Variants in NEMP2 observed in about 807,000 individuals in gnomAD.
NEMP2 encodes the protein UPF0571 transmembrane protein.
In NEMP2, 53 loss-of-function variants were observed where a neutral mutation model predicts 54.2. That is an observed-to-expected ratio of 0.98 (90% CI 0.78 to 1.23). NEMP2 has a LOEUF of 1.23. Among genes scored for constraint, NEMP2 ranks in the 50% most tolerant of loss-of-function variants. NEMP2 has a pLI of 0.00. For missense variants in NEMP2, 455 were observed against 511.3 expected, an observed-to-expected ratio of 0.89 and a Z score of 1.06; for synonymous variants, 197 against 190.3, an observed-to-expected ratio of 1.04 and a Z score of -0.29.
the NEMP2 span, chr2:190,435,939 T>A: frequency 6.8e-7 from 1 of 1,469,142 alleles, no homozygotes; most frequent in South Asian, 1.4e-5. Flanking sequence ...ATGTTATGAT[T>A]TTCATTACTA....
chr2:190,571,900 C>T, the NEMP2 span, among the ~76,000 whole-genome samples: 1 of 152,136 alleles, frequency 6.6e-6, no homozygotes, highest in Non-Finnish European at 1.5e-5. Context: ...CCCAGGGCTG[C>T]ATAGATTCTT....
the NEMP2 span, among the ~76,000 whole-genome samples, chr2:190,644,888 CTAAAA>C: frequency 4.2e-3 from 631 of 151,988 alleles, 12 homozygotes; most frequent in East Asian, 0.045. This position sits in a 1 kb window ranked among gnomAD's most constrained non-coding sequence, Gnocchi z 4.4. Context: ...GCCCCAGAAC[CTAAAA>C]TAAAAGTTAA....
At chr2:190,431,242 C>T in the NEMP2 span, among the ~76,000 whole-genome samples, 1 of 151,382 alleles carries the variant, frequency 6.6e-6, no homozygotes, top group Admixed American at 6.6e-5. This position sits in a 1 kb window ranked among gnomAD's most constrained non-coding sequence, Gnocchi z 4.4. Flanking sequence ...GGCAGAGGGG[C>T]TCCTCACCTC....
At chr2:190,589,745 C>T in the NEMP2 span, among the ~76,000 whole-genome samples, 101 of 152,304 alleles carry the variant, frequency 6.6e-4, no homozygotes, top group Admixed American at 1.4e-3. This position sits in a 1 kb window ranked among gnomAD's most constrained non-coding sequence, Gnocchi z 4.3. Context: ...AAGCTGTTCT[C>T]ATGGCTCTGG....
At chr2:190,435,956 C>A in the NEMP2 span, 1 of 1,506,878 alleles carries the variant, frequency 6.6e-7, no homozygotes, top group South Asian at 1.4e-5. Context: ...ACTAAGCCAT[C>A]TTTTAAATTT....
the NEMP2 span, among the ~76,000 whole-genome samples, chr2:190,615,743 G>A: frequency 3.3e-5 from 5 of 152,184 alleles, no homozygotes; most frequent in African/African-American, 1.2e-4. This position sits in a 1 kb window ranked among gnomAD's most constrained non-coding sequence, Gnocchi z 4.7. Flanking sequence ...ACCCCCTAGT[G>A]ATCTCATTAG....
intron 1 of NEMP2, among the ~76,000 whole-genome samples, chr2:190,526,353 T>G (rs1378985485): frequency 1.3e-5 from 2 of 152,064 alleles, no homozygotes; most frequent in Non-Finnish European, 2.9e-5. Flanking sequence ...CCACAGAGGT[T>G]AGCTTCCAGG....
chr2:190,515,984 G>A (rs1487185383), intron 6 of NEMP2, among the ~76,000 whole-genome samples: 1 of 152,074 alleles, frequency 6.6e-6, no homozygotes, highest in Non-Finnish European at 1.5e-5. Context: ...CCACAATTCA[G>A]AAGCATGTGC....
rs1690279709 is a variant in NEMP2, at chr2:190,509,447, T to C, written c.1131-135A>G. On this transcript the variant is annotated intron_variant, in intron 8 of 8. Transcript: ENST00000409150. This position sits in a 1 kb window ranked among gnomAD's most constrained non-coding sequence, Gnocchi z 6.1. ...TCAATACAGGGTGGCATTTACACAG[T>C]GGGTGTAAAAATGGGAATGGCTTAT... 1 of 976,494 alleles carries C rather than the reference T, an allele frequency of 1.0e-6. No individual in the cohort carries two copies. Among genetic ancestry groups the C allele is most frequent in the Non-Finnish European group, 1.5e-6 (1 of 658,570 alleles). The allele number at this position is 976,494 out of a possible 1,614,324, so 60.5% of individuals were successfully genotyped here. A position where few individuals can be genotyped will look rare whatever the true frequency, so the allele number is the denominator to read the frequency against.
the NEMP2 span, among the ~76,000 whole-genome samples, chr2:190,454,866 T>G: frequency 2.6e-5 from 4 of 151,962 alleles, no homozygotes; most frequent in East Asian, 7.7e-4. This position sits in a 1 kb window ranked among gnomAD's most constrained non-coding sequence, Gnocchi z 4.6. Context: ...AGTGGGATGA[T>G]GGTAGGAGTG....
Position 190,505,769 on chromosome 2 carries a change from G to A in NEMP2, c.*3420C>T, listed in dbSNP as rs1257267986. 1 of 152,294 alleles carries A rather than the reference G, an allele frequency of 6.6e-6. No homozygotes were observed. Among genetic ancestry groups the A allele is most frequent in the South Asian group, 2.1e-4 (1 of 4,826 alleles). 9.4% of individuals were successfully genotyped at this position (152,294 alleles called of 1,614,324 possible). On this transcript the variant is annotated 3_prime_UTR_variant, in exon 9 of 9. Transcript: ENST00000409150. This position sits in a 1 kb window ranked among gnomAD's most constrained non-coding sequence, Gnocchi z 5.8. ...GGATGTTTGTCAATAATGAAGATTA[G>A]AAAAACAGCAGTCACAGAGAGGAAA...
chr2:190,550,515 T>G, the NEMP2 span, among the ~76,000 whole-genome samples: 1 of 152,170 alleles, frequency 6.6e-6, no homozygotes, highest in East Asian at 1.9e-4. The surrounding 1 kb of genome is among the most constrained non-coding windows in gnomAD (Gnocchi z 4.7). Flanking sequence ...TTAGAATATC[T>G]CATAATTACT....
At chr2:190,486,558 A>G in the NEMP2 span, among the ~76,000 whole-genome samples, 3 of 152,094 alleles carry the variant, frequency 2.0e-5, no homozygotes, top group Non-Finnish European at 4.4e-5. Context: ...TTTGCTTCCC[A>G]TCTCTCAGGG....
At chr2:190,602,576 GT>G in the NEMP2 span, among the ~76,000 whole-genome samples, 1 of 152,224 alleles carries the variant, frequency 6.6e-6, no homozygotes, top group African/African-American at 2.4e-5. Flanking sequence ...ACCACGACAG[GT>G]TGAGTGGAAC....
chr2:190,520,465 A>C lies in NEMP2; in HGVS notation c.214-1282T>G, dbSNP rs531463298. Among the ~76,000 whole-genome samples, 2 of 152,288 alleles carry C rather than the reference A, an allele frequency of 1.3e-5. No individual in the cohort carries two copies. Among genetic ancestry groups the C allele is most frequent in the South Asian group, 4.2e-4 (2 of 4,818 alleles). On this transcript the variant is annotated intron_variant, in intron 2 of 8. Coordinates refer to ENST00000409150, the MANE Select transcript of NEMP2 (RefSeq NM_001142645.2). This position sits in a 1 kb window ranked among gnomAD's most constrained non-coding sequence, Gnocchi z 5.4. ...TTCTAAGAGTAGGGCAACCCTGAAA[A>C]GGGGAGTAAGAGCACCAGCTTTGAA... is the stretch of plus-strand genomic sequence containing the variant.
chr2:190,630,295 G>C, the NEMP2 span, among the ~76,000 whole-genome samples: 2 of 152,074 alleles, frequency 1.3e-5, no homozygotes, highest in Non-Finnish European at 2.9e-5. This position sits in a 1 kb window ranked among gnomAD's most constrained non-coding sequence, Gnocchi z 5.5. Flanking sequence ...TCGTCTCACT[G>C]CAACTTCTGC....
In NEMP2 at chr2:190,506,243, G is replaced by C. The variant is rs560533892; in HGVS notation, c.*2946C>G. 6.6e-6 allele frequency: 1 copy of C among 152,212 alleles called. No homozygotes were observed. Among genetic ancestry groups the C allele is most frequent in the Non-Finnish European group, 1.5e-5 (1 of 68,054 alleles). The allele number at this position is 152,212 out of a possible 1,614,324, so 9.4% of individuals were successfully genotyped here. The stretch of plus-strand genomic sequence containing the variant: ...TGCCACCCAGCAGGCTCTCTCAGAA[G>C]GCAGCTTGCTCCTGTTGTCACCTAA... On this transcript the variant is annotated 3_prime_UTR_variant, in exon 9 of 9. Transcript: ENST00000409150. This position sits in a 1 kb window ranked among gnomAD's most constrained non-coding sequence, Gnocchi z 6.3.
At chr2:190,504,093 C>T (rs139425275), downstream of NEMP2, among the ~76,000 whole-genome samples, 20 of 152,228 alleles carry the variant, frequency 1.3e-4, 1 homozygote, top group East Asian at 7.7e-4. The surrounding 1 kb of genome is among the most constrained non-coding windows in gnomAD (Gnocchi z 5.6). Flanking sequence ...TAGGAGTGTG[C>T]GCCCTGGAGT....
chr2:190,538,702 G>A (rs947199355), upstream of NEMP2, among the ~76,000 whole-genome samples: 7 of 151,472 alleles, frequency 4.6e-5, no homozygotes, highest in Admixed American at 2.6e-4. This position sits in a 1 kb window ranked among gnomAD's most constrained non-coding sequence, Gnocchi z 4.1. Flanking sequence ...GTACTTTCCT[G>A]ATTATTTTGG....
Sources: allele counts gnomAD v4.1 joint callset (sites outside exome capture counted in the v4.1 genomes callset), GRCh38; gene constraint gnomAD v4.1.1; non-coding constraint Gnocchi (gnomAD v3.1); transcripts MANE v1.5; gene names NCBI Gene and HGNC (gene_info 2026-07-23, HGNC 2026-07-21).